CORO2A: variants seen among roughly 807,000 people sequenced by gnomAD.
CORO2A encodes coronin-2A.
CORO2A carries 47 observed loss-of-function variants against 62.4 expected under a neutral mutation model. That is an observed-to-expected ratio of 0.75 (90% CI 0.60 to 0.96). The LOEUF (loss-of-function observed/expected upper bound fraction) is 0.96, where lower values mean the gene tolerates loss of function less well. Among genes scored for constraint, CORO2A ranks in the 40% least tolerant of loss-of-function variants. The probability of loss-of-function intolerance (pLI) is 0.00; values close to 1 mark genes in which losing one functional copy is unlikely to be tolerated. For missense variants in CORO2A, 610 were observed against 684.1 expected, an observed-to-expected ratio of 0.89 and a Z score of 1.21; for synonymous variants, 273 against 268.9, an observed-to-expected ratio of 1.02 and a Z score of -0.15.
intron 2 of CORO2A, among the ~76,000 whole-genome samples, chr9:98,139,665 G>A (rs962417864): frequency 6.6e-6 from 1 of 152,018 alleles, no homozygotes; most frequent in African/African-American, 2.4e-5. Context: ...GCATGGTGTC[G>A]CACACCTGTA....
intron 2 of CORO2A, among the ~76,000 whole-genome samples, chr9:98,138,541 C>T (rs1225150534): frequency 9.9e-5 from 15 of 152,142 alleles, no homozygotes; most frequent in Admixed American, 7.9e-4. Context: ...ATTCATGCAG[C>T]AGAATACTAC....
At chr9:98,152,663 A>G (rs1827741022) in intron 2 of CORO2A, among the ~76,000 whole-genome samples, 1 of 152,234 alleles carries the variant, frequency 6.6e-6, no homozygotes, top group Non-Finnish European at 1.5e-5. Context: ...AGCATGAATA[A>G]TGTGACAAAC....
chr9:98,158,691 A>G (rs1274502324), intron 1 of CORO2A, among the ~76,000 whole-genome samples: 1 of 152,174 alleles, frequency 6.6e-6, no homozygotes, highest in Non-Finnish European at 1.5e-5. Flanking sequence ...AGTGACAACT[A>G]AACAGTGACT....
chr9:98,167,216 A>G (rs1267854167), intron 1 of CORO2A, among the ~76,000 whole-genome samples: 1 of 152,230 alleles, frequency 6.6e-6, no homozygotes, highest in Non-Finnish European at 1.5e-5. Flanking sequence ...TTACAAAAAG[A>G]CAGCGCATGA....
chr9:98,140,064 C>T (rs568380361), intron 2 of CORO2A, among the ~76,000 whole-genome samples: 1 of 152,282 alleles, frequency 6.6e-6, no homozygotes, highest in African/African-American at 2.4e-5. Flanking sequence ...TCATTTTGCA[C>T]ATCACATTGC....
At chr9:98,142,154 G>C (rs1488681408) in intron 2 of CORO2A, among the ~76,000 whole-genome samples, 1 of 152,190 alleles carries the variant, frequency 6.6e-6, no homozygotes, top group Admixed American at 6.5e-5. Context: ...GCTCTTGAAG[G>C]GCTCTAGAGA....
intron 2 of CORO2A, among the ~76,000 whole-genome samples, chr9:98,150,247 C>T (rs184585170): frequency 1.5e-3 from 228 of 152,118 alleles, no homozygotes; most frequent in Middle Eastern, 3.4e-3. Context: ...TGAGTTTCAA[C>T]CCTCCAGTGG....
rs1417915650 is a variant in CORO2A, at chr9:98,128,192, C to T, written c.1149G>A (p.Glu383=). ...AGAQPSLTAQ[E]WLSGMNRDPI... ...CACCTCGATTCATCCCGCTGAGCCACTCCTGGGCCGTCAGGGAGGGCTGGG... is the reference window on the plus strand; with the variant it reads ...CACCTCGATTCATCCCGCTGAGCCATTCCTGGGCCGTCAGGGAGGGCTGGG... Residue 383 remains glutamate, a synonymous_variant, in exon 10 of 12, where the codon GAG becomes GAA. Transcript: ENST00000375077. The T allele has an allele frequency of 6.2e-7, 1 of 1,613,638 alleles. No individual in the cohort carries two copies. The highest frequency in any genetic ancestry group is 8.5e-7 in the Non-Finnish European group (1 of 1,179,796).
At chr9:98,134,394 TC>T (rs147598704) in intron 4 of CORO2A, among the ~76,000 whole-genome samples, 1,984 of 152,168 alleles carry the variant, frequency 0.013, 32 homozygotes, top group African/African-American at 0.045. Flanking sequence ...TGAACAGGGT[TC>T]CCCCCAAAAC....
At chr9:98,157,076 C>T (rs1344604783) in intron 2 of CORO2A, among the ~76,000 whole-genome samples, 2 of 152,194 alleles carry the variant, frequency 1.3e-5, no homozygotes, top group South Asian at 4.1e-4. Flanking sequence ...TACTGTTTGC[C>T]TCTCCTAGCT....
rs1008293161 is a variant in CORO2A at position 98,192,637 on chromosome 9, C to G, written c.-79G>C. ...CCGCGCTCCTCGCCGCCCGCCGACT[C>G]CCGGCGCCCAGAGCCGCCGCCGCCT... On this transcript the variant is annotated 5_prime_UTR_variant, in exon 1 of 12. Coordinates refer to ENST00000375077, the MANE Select transcript of CORO2A (RefSeq NM_052820.4). 2.0e-5 allele frequency: 3 copies of G among 150,164 alleles called. No individual in the cohort carries two copies. The highest frequency in any genetic ancestry group is 4.9e-5 in the African/African-American group (2 of 41,208). The allele number at this position is 150,164 out of a possible 1,614,324, so 9.3% of individuals were successfully genotyped here. A position where few individuals can be genotyped will look rare whatever the true frequency, so the allele number is the denominator to read the frequency against.
chr9:98,150,872 C>A, intron 2 of CORO2A, among the ~76,000 whole-genome samples: 1 of 152,214 alleles, frequency 6.6e-6, no homozygotes, highest in Non-Finnish European at 1.5e-5. Context: ...CTCCCTAGCT[C>A]GAAACATTCT....
At chr9:98,191,005 T>C (rs1734934857) in intron 1 of CORO2A, among the ~76,000 whole-genome samples, 2 of 152,244 alleles carry the variant, frequency 1.3e-5, no homozygotes, top group African/African-American at 4.8e-5. Context: ...CAGGTTCTGC[T>C]TGAATACCTG....
chr9:98,142,865 C>T (rs1368952436), intron 2 of CORO2A, among the ~76,000 whole-genome samples: 3 of 99,462 alleles, frequency 3.0e-5, no homozygotes, highest in East Asian at 2.9e-4. Context: ...CGCTGCCCTG[C>T]GCTGCCCTGC....
intron 1 of CORO2A, among the ~76,000 whole-genome samples, chr9:98,181,005 C>T (rs1396467604): frequency 1.3e-5 from 2 of 152,338 alleles, no homozygotes; most frequent in African/African-American, 4.8e-5. Context: ...CTCTTATCAA[C>T]ACCCTAAAAT....
At chr9:98,139,427 A>G (rs1827536967) in intron 2 of CORO2A, among the ~76,000 whole-genome samples, 1 of 152,176 alleles carries the variant, frequency 6.6e-6, no homozygotes, top group South Asian at 2.1e-4. Context: ...CAGGAGTTTG[A>G]GACCAGCCTG....
rs556922243 is a variant in CORO2A, at chr9:98,140,330, A to C, written c.202-2642T>G. Among the ~76,000 whole-genome samples, 244 of 152,256 alleles carry C rather than the reference A, an allele frequency of 1.6e-3. 1 individual carries two copies. Among genetic ancestry groups the C allele is most frequent in the African/African-American group, 5.6e-3 (234 of 41,546 alleles). Reference sequence around the variant, plus strand: ...ACATAGTCCTTGACTTTGCAGAATCAATAGTCTTGGGATTTTTTCTAGAGG... The same window carrying C: ...ACATAGTCCTTGACTTTGCAGAATCCATAGTCTTGGGATTTTTTCTAGAGG... On this transcript the variant is annotated intron_variant, in intron 2 of 11. Transcript: ENST00000375077.
intron 2 of CORO2A, among the ~76,000 whole-genome samples, chr9:98,140,620 T>C (rs1317209471): frequency 6.6e-6 from 1 of 152,128 alleles, no homozygotes; most frequent in Non-Finnish European, 1.5e-5. Flanking sequence ...ATTTTTAAAA[T>C]TATTTGTAGA....
At chr9:98,173,570 T>C (rs1341460035) in intron 1 of CORO2A, among the ~76,000 whole-genome samples, 1 of 152,152 alleles carries the variant, frequency 6.6e-6, no homozygotes, top group Non-Finnish European at 1.5e-5. Flanking sequence ...ATAAATTGCA[T>C]GCTCTGAGGC....
Sources: gnomAD v4.1 joint callset for allele counts (sites outside exome capture counted in the v4.1 genomes callset) on GRCh38, gnomAD v4.1.1 for gene constraint, MANE v1.5 for transcripts, NCBI Gene and HGNC (gene_info 2026-07-23, HGNC 2026-07-21) for gene names.